CYSLTR1: variants seen among roughly 807,000 people sequenced by gnomAD.
The protein encoded by CYSLTR1 is G-protein coupled receptor HG55.
In CYSLTR1, 1 loss-of-function variant was observed where a neutral mutation model predicts 2.1. That is an observed-to-expected ratio of 0.48 (90% CI 0.17 to 2.28). CYSLTR1 has a LOEUF of 2.28. Among genes scored for constraint, CYSLTR1 ranks in the 30% most tolerant of loss-of-function variants. The pLI, the probability that CYSLTR1 is intolerant of heterozygous loss-of-function variation, is 0.26. For missense variants in CYSLTR1, 299 were observed against 250.1 expected, an observed-to-expected ratio of 1.20 and a Z score of -1.32; for synonymous variants, 110 against 89.6, an observed-to-expected ratio of 1.23 and a Z score of -1.28.
intron 1 of CYSLTR1, among the ~76,000 whole-genome samples, chrX:78,311,486 CA>C (rs1923217272): frequency 9.0e-6 from 1 of 111,481 alleles, no homozygotes; most frequent in Admixed American, 9.5e-5. Context: ...AAGTCCTAGA[CA>C]AAGCAATTAG....
chrX:78,276,633 A>T (rs933674200), intron 2 of CYSLTR1, among the ~76,000 whole-genome samples: 6 of 110,942 alleles, frequency 5.4e-5, no homozygotes, highest in Admixed American at 9.7e-5. Context: ...CCTTTCATTA[A>T]AAAAGTCATT....
At chrX:78,286,054 A>T (rs1248465736) in intron 1 of CYSLTR1, among the ~76,000 whole-genome samples, 1 of 112,135 alleles carries the variant, frequency 8.9e-6, no homozygotes. Flanking sequence ...CCCTATTCTT[A>T]TAAGGAAGAG....
At chrX:78,318,792 C>T (rs181044320) in intron 1 of CYSLTR1, 51 of 111,309 alleles carry the variant, frequency 4.6e-4, no homozygotes, top group African/African-American at 1.7e-3. Flanking sequence ...GGCATAGAAC[C>T]TGGCAGTCAT....
chrX:78,305,929 G>C (rs755348466), intron 1 of CYSLTR1, among the ~76,000 whole-genome samples: 1 of 112,782 alleles, frequency 8.9e-6, no homozygotes, highest in South Asian at 3.6e-4. Flanking sequence ...AGATTTGGAA[G>C]CAATCTAAGT....
At chrX:78,316,286 G>A (rs1005070238) in intron 1 of CYSLTR1, among the ~76,000 whole-genome samples, 1 of 111,911 alleles carries the variant, frequency 8.9e-6, no homozygotes, top group Non-Finnish European at 1.9e-5. Flanking sequence ...GGGGTCACAG[G>A]GTGTAAGAAG....
chrX:78,296,325 G>T (rs1236139352), intron 1 of CYSLTR1, among the ~76,000 whole-genome samples: 1 of 111,256 alleles, frequency 9.0e-6, no homozygotes, highest in Non-Finnish European at 1.9e-5. Flanking sequence ...TTCAAGTTAG[G>T]TAATGTGATT....
chrX:78,289,901 C>T (rs189858835), intron 1 of CYSLTR1, among the ~76,000 whole-genome samples: 199 of 111,524 alleles, frequency 1.8e-3, no homozygotes, highest in African/African-American at 6.3e-3. Context: ...AATTTTCTCC[C>T]ATTCTGTAGG....
chrX:78,280,090 C>A (rs764556777), intron 2 of CYSLTR1, among the ~76,000 whole-genome samples: 1 of 110,314 alleles, frequency 9.1e-6, no homozygotes, highest in East Asian at 2.8e-4. Context: ...ACATGTAGCC[C>A]CTGAATCCTC....
At chrX:78,279,920 G>T (rs776606660) in intron 2 of CYSLTR1, among the ~76,000 whole-genome samples, 1 of 111,388 alleles carries the variant, frequency 9.0e-6, no homozygotes, top group Non-Finnish European at 1.9e-5. Flanking sequence ...ATAAAGATGG[G>T]AACAGTATAC....
At chrX:78,319,902 A>C (rs1435822627) in intron 1 of CYSLTR1, 2 of 112,013 alleles carry the variant, frequency 1.8e-5, no homozygotes, top group Non-Finnish European at 3.8e-5. Context: ...TTGGCTGCAT[A>C]AATGTCTTCT....
In CYSLTR1 at chrX:78,272,798, C is replaced by G; in HGVS notation, c.949G>C (p.Val317Leu). 1 of 1,210,586 alleles carries G rather than the reference C, an allele frequency of 8.3e-7. No individual in the cohort carries two copies. Among genetic ancestry groups the G allele is most frequent in the Non-Finnish European group, 1.1e-6 (1 of 895,060 alleles). ...GCCTTCTTTCTGGGTACATAAGTCA[C>G]GCTGGACAAAGAATGCTTTCTGAAT... is the stretch of plus-strand genomic sequence containing the variant. ...STFRKHSLSS[V>L]TYVPRKKASL... The change falls in exon 3 of 3, where the codon GTG (valine) becomes CTG (leucine). Residue 317 changes from valine to leucine, a missense_variant. Val to Leu is a conservative substitution (Grantham distance 32). Transcript: ENST00000373304.
At chrX:78,315,729 T>G (rs754022906) in intron 1 of CYSLTR1, among the ~76,000 whole-genome samples, 2 of 112,162 alleles carry the variant, frequency 1.8e-5, no homozygotes, top group East Asian at 5.6e-4. Flanking sequence ...GAGTGCCAAC[T>G]CAGGTGCAGT....
At chrX:78,285,616 A>ATGCACTATCT (rs1922036129) in intron 1 of CYSLTR1, among the ~76,000 whole-genome samples, 1 of 111,866 alleles carries the variant, frequency 8.9e-6, no homozygotes, top group South Asian at 3.7e-4. Context: ...TACCAGCTTA[A>ATGCACTATCT]TGCACTATCT....
At chrX:78,312,302 C>T (rs1923247861) in intron 1 of CYSLTR1, among the ~76,000 whole-genome samples, 1 of 111,077 alleles carries the variant, frequency 9.0e-6, no homozygotes, top group Non-Finnish European at 1.9e-5. Context: ...CCCTATACCT[C>T]TCACTATATA....
At chrX:78,290,219 A>T (rs971330114) in intron 1 of CYSLTR1, among the ~76,000 whole-genome samples, 1 of 112,046 alleles carries the variant, frequency 8.9e-6, no homozygotes, top group African/African-American at 3.2e-5. Flanking sequence ...TAAATAGGGA[A>T]TCCTTTCCCC....
chrX:78,289,887 CA>C (rs1922242185), intron 1 of CYSLTR1, among the ~76,000 whole-genome samples: 1 of 111,510 alleles, frequency 9.0e-6, no homozygotes, highest in African/African-American at 3.3e-5. Context: ...GGGTAGATTG[CA>C]AAAATTTTCT....
chrX:78,287,418 G>A (rs916971023), intron 1 of CYSLTR1, among the ~76,000 whole-genome samples: 3 of 111,798 alleles, frequency 2.7e-5, no homozygotes, highest in Non-Finnish European at 5.6e-5. Flanking sequence ...GGAGCAGGGA[G>A]TAATTGCAAC....
intron 2 of CYSLTR1, among the ~76,000 whole-genome samples, chrX:78,274,461 A>G (rs1419491524): frequency 8.9e-6 from 1 of 111,888 alleles, no homozygotes; most frequent in Non-Finnish European, 1.9e-5. Flanking sequence ...CAAACCTGAC[A>G]AAAGCAAGAA....
Position 78,273,602 on chromosome X carries a change from T to A in CYSLTR1, c.145A>T (p.Ile49Leu). Residue 49 changes from isoleucine (I) to leucine (L), a missense_variant, in exon 3 of 3, where the codon ATA (isoleucine) becomes TTA (leucine). Ile to Leu is a conservative substitution (Grantham distance 5). Coordinates refer to ENST00000373304, the MANE Select transcript of CYSLTR1 (RefSeq NM_006639.4). ...FGNGFVLYVL[I>L]KTYHKKSAFQ... ...GCTGACTTCTTGTGATAGGTTTTTA[T>A]GAGGACATAGAGCACAAAGCCATTG... The A allele has an allele frequency of 1.7e-6, 2 of 1,211,566 alleles. No individual in the cohort carries two copies. Among genetic ancestry groups the A allele is most frequent in the Non-Finnish European group, 2.2e-6 (2 of 895,485 alleles).
Sources: gnomAD v4.1 joint callset for allele counts (sites outside exome capture counted in the v4.1 genomes callset) on GRCh38, gnomAD v4.1.1 for gene constraint, MANE v1.5 for transcripts, NCBI Gene and HGNC (gene_info 2026-07-23, HGNC 2026-07-21) for gene names.